The following RETREG3 variants were observed in gnomAD, a reference collection of about 807,000 sequenced individuals.
The protein encoded by RETREG3 is reticulophagy regulator 3.
In RETREG3, 23 loss-of-function variants were observed where a neutral mutation model predicts 50.2. The ratio of observed to expected loss-of-function variants is 0.46; its 90% CI spans 0.33 to 0.65. The LOEUF (loss-of-function observed/expected upper bound fraction) is 0.65, where lower values mean the gene tolerates loss of function less well. Among genes scored for constraint, RETREG3 ranks in the 30% least tolerant of loss-of-function variants. The pLI is 0.02. For synonymous variants in RETREG3, 240 were observed against 234.4 expected (o/e 1.02, Z -0.22); for missense variants, 546 against 598.0 (o/e 0.91, Z 0.91).
At chr17:42,588,197 A>G (rs1011862798) in intron 2 of RETREG3, among the ~76,000 whole-genome samples, 2 of 152,202 alleles carry the variant, frequency 1.3e-5, no homozygotes, top group East Asian at 3.9e-4. Context: ...ATACACATCA[A>G]TCTGTGCCAG....
intron 2 of RETREG3, among the ~76,000 whole-genome samples, chr17:42,590,629 G>A (rs142812238): frequency 7.6e-4 from 116 of 152,046 alleles, no homozygotes; most frequent in African/African-American, 2.7e-3. Flanking sequence ...CCATGATTGC[G>A]CCACTGCACT....
chr17:42,594,768 G>A (rs926777080), intron 1 of RETREG3, among the ~76,000 whole-genome samples: 6 of 149,312 alleles, frequency 4.0e-5, no homozygotes, highest in African/African-American at 1.5e-4. Context: ...GGAGAATGGC[G>A]TGAACCTGCG....
rs759024584 is a variant in RETREG3 at position 42,582,091 on chromosome 17, C to T, written c.1123G>A (p.Asp375Asn). ...EEPQAPPASRDEAALPELLLG... is the reference protein window; with the variant it reads ...EEPQAPPASRNEAALPELLLG... The stretch of plus-strand genomic sequence containing the variant: ...AGGAGCTCCGGCAGCGCAGCCTCGT[C>T]CCGGCTGGCAGGTGGGGCCTGGGGC... Residue 375 changes from aspartate (D) to asparagine (N), a missense_variant, in exon 9 of 9, where the codon GAC becomes AAC. Asp to Asn is a conservative substitution (Grantham distance 23). Transcript: ENST00000309428. 3.1e-6 allele frequency: 5 copies of T among 1,614,116 alleles called. No individual in the cohort carries two copies. Among genetic ancestry groups the T allele is most frequent in the East Asian group, 2.2e-5 (1 of 44,866 alleles).
Position 42,609,269 on chromosome 17 carries a change from A to C in RETREG3, c.56T>G (p.Phe19Cys), listed in dbSNP as rs763600770. Residue 19 changes from phenylalanine to cysteine, a missense_variant, in exon 1 of 9, where the codon TTC becomes TGC. By Grantham distance (205) the Phe-to-Cys change is radical (BLOSUM62 -2). Coordinates refer to ENST00000309428, the MANE Select transcript of RETREG3 (RefSeq NM_178126.4). ...GCCTGACACATCTCGGCGGCCCCTG[A>C]AAGTCGACCCCGAAGCCGGGCCTGG... Reference protein sequence around the residue: ...TTPGPASGSTFRGRRDVSGSW... With the variant: ...TTPGPASGSTCRGRRDVSGSW... 2.5e-6 allele frequency: 4 copies of C among 1,605,378 alleles called. No individual in the cohort carries two copies. The highest frequency in any genetic ancestry group is 1.1e-5 in the South Asian group (1 of 91,056).
intron 2 of RETREG3, among the ~76,000 whole-genome samples, chr17:42,590,360 G>A (rs2093130168): frequency 1.3e-5 from 2 of 151,938 alleles, no homozygotes; most frequent in South Asian, 4.2e-4. Context: ...ACAACACAGT[G>A]AGACCTAGTT....
At chr17:42,601,430 G>A (rs1486828045) in intron 1 of RETREG3, among the ~76,000 whole-genome samples, 12 of 147,478 alleles carry the variant, frequency 8.1e-5, no homozygotes, top group Non-Finnish European at 1.5e-4. Context: ...AAAATTAGCC[G>A]GGAGTGGTGG....
At chr17:42,608,865 G>A (rs1317002438) in intron 1 of RETREG3, 8 of 545,084 alleles carry the variant, frequency 1.5e-5, no homozygotes, top group South Asian at 7.4e-5. Context: ...CGGGGCGGGG[G>A]TGCGGGCACA....
At chr17:42,591,629 C>T (rs2093133448) in intron 2 of RETREG3, among the ~76,000 whole-genome samples, 1 of 152,188 alleles carries the variant, frequency 6.6e-6, no homozygotes, top group Non-Finnish European at 1.5e-5. Context: ...TAGGCGTTAG[C>T]CACTGCGCCC....
At chr17:42,598,813 C>T (rs888922525) in intron 1 of RETREG3, 1 of 152,012 alleles carries the variant, frequency 6.6e-6, no homozygotes, top group African/African-American at 2.4e-5. Context: ...TGGCATGTAA[C>T]AGGTACTCAA....
Position 42,585,178 on chromosome 17 carries a change from C to T in RETREG3, c.674G>A (p.Arg225Gln), listed in dbSNP as rs369614204. 1.2e-5 allele frequency: 19 copies of T among 1,613,758 alleles called. No homozygotes were observed. In the Admixed American group the frequency reaches 1.3e-4, roughly 11 times the overall value. The change falls in exon 6 of 9, where the codon CGG becomes CAG. Residue 225 changes from arginine to glutamine, a missense_variant. By Grantham distance (43) the Arg-to-Gln change is conservative. Transcript: ENST00000309428. ...AYVRLKPALQ[R>Q]LDFSVRGYMM... ...GTAGCCACGGACACTGAAGTCTAGC[C>T]GCTGCAGAGCTGGCTTCAGCCGCAC... is the stretch of plus-strand genomic sequence containing the variant.
intron 1 of RETREG3, among the ~76,000 whole-genome samples, chr17:42,607,361 A>C (rs2093169626): frequency 6.6e-6 from 1 of 151,900 alleles, no homozygotes. Flanking sequence ...TTAGCCAAGC[A>C]TGATGATGTG....
chr17:42,601,276 C>CAAATA (rs949451690), intron 1 of RETREG3, among the ~76,000 whole-genome samples: 2 of 149,840 alleles, frequency 1.3e-5, no homozygotes, highest in Admixed American at 6.7e-5. Context: ...GACTCCATCT[C>CAAATA]AAATAAAATA....
At chr17:42,594,611 A>G (rs1418752583) in intron 1 of RETREG3, among the ~76,000 whole-genome samples, 1 of 152,058 alleles carries the variant, frequency 6.6e-6, no homozygotes, top group Non-Finnish European at 1.5e-5. Flanking sequence ...TGAGAGGCTG[A>G]GGCGGGCAGA....
intron 1 of RETREG3, 172 bp downstream of exon 1, chr17:42,608,914 A>C (rs1316889141): frequency 1.2e-5 from 8 of 641,284 alleles, no homozygotes; most frequent in Non-Finnish European, 2.1e-5. Flanking sequence ...CCTGGGAAGA[A>C]CTAGGGTGCC....
At chr17:42,608,321 G>A (rs2093172182) in intron 1 of RETREG3, among the ~76,000 whole-genome samples, 1 of 152,164 alleles carries the variant, frequency 6.6e-6, no homozygotes, top group African/African-American at 2.4e-5. Flanking sequence ...CACAGAGCAT[G>A]ACACACACAA....
chr17:42,607,144 G>A (rs2093169212), intron 1 of RETREG3, among the ~76,000 whole-genome samples: 5 of 152,130 alleles, frequency 3.3e-5, no homozygotes, highest in Admixed American at 2.6e-4. Flanking sequence ...ACACTCTTCA[G>A]TGAGGTGCTA....
chr17:42,606,348 G>A (rs1044981002), intron 1 of RETREG3, among the ~76,000 whole-genome samples: 1 of 152,194 alleles, frequency 6.6e-6, no homozygotes, highest in African/African-American at 2.4e-5. Context: ...TCAGACAAGC[G>A]GCAGAAGAAA....
At chr17:42,608,839 G>A (rs1401422479) in intron 1 of RETREG3, 1 of 527,072 alleles carries the variant, frequency 1.9e-6, no homozygotes, top group East Asian at 3.2e-5. Flanking sequence ...GTTACCAGAA[G>A]CTCCCGCCAG....
At position 42,586,884 on chromosome 17, in the gene RETREG3, A is replaced by G; in HGVS notation, c.385T>C (p.Phe129Leu). 1 of 1,613,918 alleles carries G rather than the reference A, an allele frequency of 6.2e-7. No individual in the cohort carries two copies. Residue 129 changes from phenylalanine to leucine, a missense_variant, in exon 4 of 9, where the codon TTT becomes CTT. Coordinates refer to ENST00000309428, the MANE Select transcript of RETREG3 (RefSeq NM_178126.4). Reference sequence around the variant, plus strand: ...ACGCTGAGCAACCGAGGGTGCACAAAGCCCCAGCTATGGGAGAGAGAAGGG... The same window carrying G: ...ACGCTGAGCAACCGAGGGTGCACAAGGCCCCAGCTATGGGAGAGAGAAGGG... ...PDALDNESWGFVHPRLLSVPE... is the reference protein window; with the variant it reads ...PDALDNESWGLVHPRLLSVPE...
Sources: gnomAD v4.1 joint callset for allele counts (sites outside exome capture counted in the v4.1 genomes callset) on GRCh38, gnomAD v4.1.1 for gene constraint, MANE v1.5 for transcripts, NCBI Gene and HGNC (gene_info 2026-07-23, HGNC 2026-07-21) for gene names.